The following DTYMK variants were observed in gnomAD, a reference collection of about 807,000 sequenced individuals.
DTYMK encodes the protein thymidylate kinase.
A neutral mutation model predicts 20.3 loss-of-function variants in DTYMK; 20 were observed. The observed-to-expected ratio is 0.99, with a 90% CI of 0.69 to 1.43. The LOEUF (loss-of-function observed/expected upper bound fraction) is 1.43, where lower values mean the gene tolerates loss of function less well. Among genes scored for constraint, DTYMK ranks in the 40% most tolerant of loss-of-function variants. DTYMK has a pLI of 0.00. For missense variants in DTYMK, 320 were observed against 291.1 expected (o/e 1.10, Z -0.72); for synonymous variants, 148 against 124.4 (o/e 1.19, Z -1.27).
chr2:241,684,679 G>A, intron 2 of DTYMK: 1 of 454,438 alleles, frequency 2.2e-6, no homozygotes, highest in Non-Finnish European at 4.5e-6. Context: ...TTCTACATAT[G>A]TATATAAATG....
intron 3 of DTYMK, 80 bp from the exon 4 acceptor site, chr2:241,678,729 G>C: frequency 6.6e-7 from 1 of 1,514,750 alleles, no homozygotes; most frequent in Non-Finnish European, 9.0e-7. Context: ...AGGAAAAAAT[G>C]AGGGGACATT....
chr2:241,686,683 C>A lies in DTYMK; in HGVS notation c.101G>T (p.Gly34Val), dbSNP rs2069422069. The change falls in exon 1 of 5, where the codon GGC becomes GTC. Residue 34 changes from glycine (G) to valine (V), a missense_variant. Coordinates refer to ENST00000305784, the MANE Select transcript of DTYMK (RefSeq NM_012145.4). ...GAACCGGAGCAGTTCGGCGCGGTGG[C>A]CCGCGGCGCACAGCGCTTCCACCAG... ...RKLVEALCAAGHRAELLRFPE... is the reference protein window; with the variant it reads ...RKLVEALCAAVHRAELLRFPE... 2 of 1,530,930 alleles carry A rather than the reference C, an allele frequency of 1.3e-6. No homozygotes were observed. The highest frequency in any genetic ancestry group is 2.0e-5 in the Admixed American group (1 of 50,010). The allele number at this position is 1,530,930 out of a possible 1,614,324, so 94.8% of individuals were successfully genotyped here.
intron 2 of DTYMK, 112 bp from the exon 3 acceptor site, chr2:241,680,431 C>T (rs1210384199): frequency 8.7e-6 from 10 of 1,144,632 alleles, no homozygotes; most frequent in Admixed American, 4.2e-5. Context: ...AATCCCAGCG[C>T]TTTGGGAGGC....
rs755990893 is a variant in DTYMK, at chr2:241,675,927, C to T, written c.*200G>A. The T allele has an allele frequency of 1.1e-5, 6 of 533,046 alleles. No individual in the cohort carries two copies. The highest frequency in any genetic ancestry group is 2.0e-5 in the Non-Finnish European group (6 of 301,096). 33.0% of individuals were successfully genotyped at this position (533,046 alleles called of 1,614,324 possible). A position where few individuals can be genotyped will look rare whatever the true frequency, so the allele number is the denominator to read the frequency against. ...GACTGCTCCATCGCTCTGCTCATGTCCACACTGCCAAGGTCCCCACCACGG... is the reference window on the plus strand; with the variant it reads ...GACTGCTCCATCGCTCTGCTCATGTTCACACTGCCAAGGTCCCCACCACGG... On this transcript the variant is annotated 3_prime_UTR_variant, in exon 5 of 5. Coordinates refer to ENST00000305784, the MANE Select transcript of DTYMK (RefSeq NM_012145.4).
rs2069346585 is a variant in DTYMK, at chr2:241,684,974, G to A, written c.239+795C>T. On this transcript the variant is annotated intron_variant, in intron 2 of 4. Coordinates refer to ENST00000305784, the MANE Select transcript of DTYMK (RefSeq NM_012145.4). Reference sequence around the variant, plus strand: ...GCTATCTTTAAAACATTAAGTCTATGAGGCCAGGGGTTTGAGACCAGCCTG... The same window carrying A: ...GCTATCTTTAAAACATTAAGTCTATAAGGCCAGGGGTTTGAGACCAGCCTG... The A allele has an allele frequency of 2.3e-5, 6 of 257,830 alleles. No homozygotes were observed. The South Asian group carries it at 2.6e-4, about 11-fold the overall frequency. The allele number at this position is 257,830 out of a possible 1,614,324, so 16.0% of individuals were successfully genotyped here.
chr2:241,677,236 C>T (rs1051175592), intron 4 of DTYMK, among the ~76,000 whole-genome samples: 11 of 152,164 alleles, frequency 7.2e-5, no homozygotes, highest in South Asian at 4.1e-4. Flanking sequence ...GTGACCGTGA[C>T]GGAAGGAGAG....
Position 241,686,634 on chromosome 2 carries a change from C to G in DTYMK, c.130+20G>C. 6.7e-7 allele frequency: 1 copy of G among 1,492,056 alleles called. No homozygotes were observed. The highest frequency in any genetic ancestry group is 1.3e-5 in the South Asian group (1 of 77,912). The allele number at this position is 1,492,056 out of a possible 1,614,324, so 92.4% of individuals were successfully genotyped here. A position where few individuals can be genotyped will look rare whatever the true frequency, so the allele number is the denominator to read the frequency against. On this transcript the variant is annotated intron_variant, in intron 1 of 4. Coordinates refer to ENST00000305784, the MANE Select transcript of DTYMK (RefSeq NM_012145.4). ...AGAGGCACCGAAGGCCGCGGCGCACCCCCCGCCGCGCGCACCCACCCGGGA... is the reference window on the plus strand; with the variant it reads ...AGAGGCACCGAAGGCCGCGGCGCACGCCCCGCCGCGCGCACCCACCCGGGA...
chr2:241,686,762 G>T lies in DTYMK; in HGVS notation c.22C>A (p.Leu8Ile). The change falls in exon 1 of 5, where the codon CTC becomes ATC. Residue 8 changes from leucine (L) to isoleucine (I), a missense_variant. Transcript: ENST00000305784. MAARRGA[L>I]IVLEGVDRAG... ...CGGTCCACGCCCTCCAGCACTATGA[G>T]AGCCCCGCGCCGGGCCGCCATGACT... 2 of 1,479,718 alleles carry T rather than the reference G, an allele frequency of 1.4e-6. No individual in the cohort carries two copies. The highest frequency in any genetic ancestry group is 2.7e-5 in the South Asian group (2 of 73,366). 91.7% of individuals were successfully genotyped at this position (1,479,718 alleles called of 1,614,324 possible). A position where few individuals can be genotyped will look rare whatever the true frequency, so the allele number is the denominator to read the frequency against.
At chr2:241,676,829 GCA>G (rs967856623) in intron 4 of DTYMK, among the ~76,000 whole-genome samples, 7 of 152,366 alleles carry the variant, frequency 4.6e-5, no homozygotes, top group Admixed American at 3.9e-4. Context: ...CGAGTCGGAA[GCA>G]CAGAGGGCAG....
chr2:241,680,290 C>T lies in DTYMK; in HGVS notation c.269G>A (p.Gly90Asp). 6.2e-7 allele frequency: 1 copy of T among 1,614,190 alleles called. No individual in the cohort carries two copies. Among genetic ancestry groups the T allele is most frequent in the Admixed American group, 1.7e-5 (1 of 60,014 alleles). The part of the protein sequence containing the change: ...VPLIKEKLSQ[G>D]VTLVVDRYAF... Reference sequence around the variant, plus strand: ...GTATCTGTCCACGACGAGGGTCACGCCCTGGCTCAACTTTTCCTTAATTAA... The same window carrying T: ...GTATCTGTCCACGACGAGGGTCACGTCCTGGCTCAACTTTTCCTTAATTAA... Residue 90 changes from glycine (G) to aspartate (D), a missense_variant, in exon 3 of 5, where the codon GGC (glycine) becomes GAC (aspartate). By Grantham distance (94) the Gly-to-Asp change is moderately conservative. Coordinates refer to ENST00000305784, the MANE Select transcript of DTYMK (RefSeq NM_012145.4).
At chr2:241,680,816 A>C (rs1429956075) in intron 2 of DTYMK, among the ~76,000 whole-genome samples, 1 of 152,248 alleles carries the variant, frequency 6.6e-6, no homozygotes, top group Non-Finnish European at 1.5e-5. Context: ...CACCTCCAGC[A>C]AAACCCAACA....
chr2:241,677,220 T>C (rs2069137186), intron 4 of DTYMK, among the ~76,000 whole-genome samples: 1 of 152,116 alleles, frequency 6.6e-6, no homozygotes, highest in African/African-American at 2.4e-5. Flanking sequence ...AACCATTTCA[T>C]GAGGTGTGAC....
intron 2 of DTYMK, among the ~76,000 whole-genome samples, chr2:241,683,247 A>G (rs1240171832): frequency 1.3e-5 from 2 of 152,236 alleles, no homozygotes; most frequent in Non-Finnish European, 2.9e-5. Context: ...GCAAACATCC[A>G]AACACTGACA....
intron 2 of DTYMK, 50 bp from the exon 3 acceptor site, chr2:241,680,369 A>C: frequency 6.3e-7 from 1 of 1,599,830 alleles, no homozygotes; most frequent in Non-Finnish European, 8.6e-7. Flanking sequence ...TAGGCCTTGA[A>C]CTGTCAAGCT....
chr2:241,684,043 C>T (rs540800901), intron 2 of DTYMK, among the ~76,000 whole-genome samples: 3 of 151,998 alleles, frequency 2.0e-5, no homozygotes, highest in African/African-American at 4.8e-5. Context: ...AGCAACACAA[C>T]GAGACTCTTG....
intron 2 of DTYMK, among the ~76,000 whole-genome samples, chr2:241,681,763 G>C (rs1006376302): frequency 6.6e-6 from 1 of 152,224 alleles, no homozygotes; most frequent in African/African-American, 2.4e-5. Context: ...AGGACAGCCG[G>C]ACGTGGTGGC....
At chr2:241,681,086 A>G (rs778605829) in intron 2 of DTYMK, among the ~76,000 whole-genome samples, 1 of 152,172 alleles carries the variant, frequency 6.6e-6, no homozygotes, top group Non-Finnish European at 1.5e-5. Context: ...GCCAAATACC[A>G]CAAGTCCACC....
intron 4 of DTYMK, among the ~76,000 whole-genome samples, chr2:241,677,231 C>T (rs2069137389): frequency 6.6e-6 from 1 of 152,100 alleles, no homozygotes; most frequent in Non-Finnish European, 1.5e-5. Flanking sequence ...GAGGTGTGAC[C>T]GTGACGGAAG....
chr2:241,685,856 T>A lies in DTYMK; in HGVS notation c.152A>T (p.Lys51Ile), dbSNP rs763713666. 3.1e-6 allele frequency: 5 copies of A among 1,614,042 alleles called. No homozygotes were observed. Among genetic ancestry groups the A allele is most frequent in the Non-Finnish European group, 4.2e-6 (5 of 1,180,020 alleles). ...RFPERSTEIG[K>I]LLSSYLQKKS... ...CTTTTGCAAGTAGGAACTCAGAAGT[T>A]TGCCGATTTCAGTTGATCTTTCTAG... The change falls in exon 2 of 5, where the codon AAA (lysine) becomes ATA (isoleucine). Residue 51 changes from lysine to isoleucine, a missense_variant. Lys to Ile is a moderately radical substitution (Grantham distance 102). Coordinates refer to ENST00000305784, the MANE Select transcript of DTYMK (RefSeq NM_012145.4).
Sources: gnomAD v4.1 joint callset for allele counts (sites outside exome capture counted in the v4.1 genomes callset) on GRCh38, gnomAD v4.1.1 for gene constraint, MANE v1.5 for transcripts, NCBI Gene and HGNC (gene_info 2026-07-23, HGNC 2026-07-21) for gene names.